The following VWA3B variants were observed in gnomAD, a reference collection of about 807,000 sequenced individuals.
VWA3B encodes the protein von Willebrand factor A domain containing 3B.
A neutral mutation model predicts 158.3 loss-of-function variants in VWA3B; 138 were observed. The observed-to-expected ratio is 0.87, with a 90% confidence interval of 0.76 to 1.00. The LOEUF is 1.00. Among genes scored for constraint, VWA3B ranks in the 50% least tolerant of loss-of-function variants. The pLI is 0.00. For synonymous variants in VWA3B, 596 were observed against 587.3 expected (o/e 1.01, Z -0.21); for missense variants, 1,555 against 1,565.1 (o/e 0.99, Z 0.11).
chr2:98,132,897 C>T (rs758207248), intron 6 of VWA3B, among the ~76,000 whole-genome samples: 4 of 152,316 alleles, frequency 2.6e-5, no homozygotes, highest in Non-Finnish European at 4.4e-5. Flanking sequence ...TTTCCATAGC[C>T]GCGGTGGGTT....
intron 2 of VWA3B, among the ~76,000 whole-genome samples, chr2:98,109,156 C>A (rs191925343): frequency 6.6e-6 from 1 of 152,136 alleles, no homozygotes; most frequent in East Asian, 1.9e-4. Context: ...CCATGCCCAG[C>A]TAATTTTGTA....
chr2:98,298,612 T>C (rs1353812692), intron 24 of VWA3B, among the ~76,000 whole-genome samples: 1 of 152,184 alleles, frequency 6.6e-6, no homozygotes, highest in African/African-American at 2.4e-5. Context: ...ATTCCATAGA[T>C]GTGTCACCGG....
chr2:98,150,643 C>G (rs1052830982), intron 7 of VWA3B, among the ~76,000 whole-genome samples: 5 of 152,184 alleles, frequency 3.3e-5, no homozygotes, highest in Admixed American at 1.3e-4. Context: ...CTGTGAACTT[C>G]TAGAGCAGGA....
At chr2:98,180,023 T>G (rs1475042399) in intron 8 of VWA3B, among the ~76,000 whole-genome samples, 1 of 150,300 alleles carries the variant, frequency 6.7e-6, no homozygotes, top group Non-Finnish European at 1.5e-5. Flanking sequence ...TCTTTCTTTT[T>G]CTTTCTTCTC....
chr2:98,163,063 A>C, intron 8 of VWA3B, 87 bp downstream of exon 8: 1 of 1,566,116 alleles, frequency 6.4e-7, no homozygotes, highest in South Asian at 1.2e-5. Flanking sequence ...TCCTGACCAG[A>C]GAAGCTCCAG....
chr2:98,205,311 G>A lies in VWA3B; in HGVS notation c.1738-6619G>A, dbSNP rs185904260. 1.3e-3 allele frequency among the ~76,000 whole-genome samples: 195 copies of A among 152,218 alleles called. 1 individual carries two copies. The highest frequency in any genetic ancestry group is 1.4e-3 in the Admixed American group (22 of 15,302). On this transcript the variant is annotated intron_variant, in intron 12 of 27. Transcript: ENST00000477737. ...TTTTTTTCTAAACTGTAGAATTTAT[G>A]AGCATAAAGTTTTTCATAATATTCT...
intron 26 of VWA3B, among the ~76,000 whole-genome samples, chr2:98,305,490 T>C (rs977822211): frequency 6.6e-6 from 1 of 152,208 alleles, no homozygotes; most frequent in Non-Finnish European, 1.5e-5. Context: ...ACGGTCATTG[T>C]CTGGCAGGTG....
chr2:98,216,507 T>C (rs1036257059), intron 13 of VWA3B, among the ~76,000 whole-genome samples: 1 of 152,214 alleles, frequency 6.6e-6, no homozygotes, highest in Admixed American at 6.5e-5. Context: ...AACCTGCACA[T>C]GCACAAACAG....
At chr2:98,299,488 A>T (rs1437793897) in intron 24 of VWA3B, among the ~76,000 whole-genome samples, 1 of 152,178 alleles carries the variant, frequency 6.6e-6, no homozygotes, top group Non-Finnish European at 1.5e-5. Flanking sequence ...TGGAGGAGGA[A>T]TTGGAGAATT....
At chr2:98,195,541 T>A (rs1417828259) in intron 12 of VWA3B, among the ~76,000 whole-genome samples, 1 of 152,220 alleles carries the variant, frequency 6.6e-6, no homozygotes, top group African/African-American at 2.4e-5. Context: ...TTGTTAAATT[T>A]CCAGGATTAA....
chr2:98,274,033 C>T (rs759524148), intron 22 of VWA3B, among the ~76,000 whole-genome samples: 1 of 152,072 alleles, frequency 6.6e-6, no homozygotes, highest in African/African-American at 2.4e-5. Context: ...AAATAATTCC[C>T]GTAATTTCTT....
intron 2 of VWA3B, among the ~76,000 whole-genome samples, chr2:98,099,682 T>C (rs1682952229): frequency 6.6e-6 from 1 of 152,164 alleles, no homozygotes; most frequent in Non-Finnish European, 1.5e-5. Context: ...CCCTTTATCA[T>C]TCTCTACTCC....
intron 24 of VWA3B, 53 bp downstream of exon 24, chr2:98,298,084 T>C: frequency 7.2e-7 from 1 of 1,385,620 alleles, no homozygotes; most frequent in South Asian, 1.8e-5. Flanking sequence ...CACAGAGTTT[T>C]GAATAACAGA....
chr2:98,219,199 C>T (rs1237542943), intron 14 of VWA3B, among the ~76,000 whole-genome samples: 1 of 152,084 alleles, frequency 6.6e-6, no homozygotes, highest in Non-Finnish European at 1.5e-5. Context: ...AAACTGAAGA[C>T]TTAAAATGTA....
intron 7 of VWA3B, among the ~76,000 whole-genome samples, chr2:98,159,157 C>T (rs1678359276): frequency 6.6e-6 from 1 of 152,206 alleles, no homozygotes; most frequent in African/African-American, 2.4e-5. Flanking sequence ...GAAGTCAATA[C>T]TAGGTGCTAA....
chr2:98,250,982 C>T (rs1054237329), intron 20 of VWA3B, among the ~76,000 whole-genome samples: 5 of 151,982 alleles, frequency 3.3e-5, no homozygotes, highest in African/African-American at 4.8e-5. Context: ...TGCCTGTAGT[C>T]CCAGCTACTT....
rs899753463 is a variant in VWA3B at position 98,312,435 on chromosome 2, C to T, written c.*86C>T. ...GCGTTGACACTGAAACTGGCCCCTC[C>T]GCGGAGGTAAGGCCGCCCTCCGCGC... On this transcript the variant is annotated 3_prime_UTR_variant, in exon 28 of 28. Coordinates refer to ENST00000477737, the MANE Select transcript of VWA3B (RefSeq NM_144992.5). The T allele has an allele frequency of 8.0e-6, 12 of 1,502,162 alleles. No individual in the cohort carries two copies. In the African/African-American group the frequency reaches 1.7e-4, roughly 21 times the overall value. 93.1% of individuals were successfully genotyped at this position (1,502,162 alleles called of 1,614,324 possible).
At chr2:98,270,550 A>G in intron 21 of VWA3B, 132 bp from the exon 22 acceptor site, 1 of 890,630 alleles carries the variant, frequency 1.1e-6, no homozygotes, top group Non-Finnish European at 1.7e-6. Flanking sequence ...CTGACACCTG[A>G]CACTAGCTTC....
At chr2:98,152,483 G>T (rs1677718119) in intron 7 of VWA3B, among the ~76,000 whole-genome samples, 1 of 152,090 alleles carries the variant, frequency 6.6e-6, no homozygotes. Flanking sequence ...GGTCCTGTCG[G>T]CACAGGAGGA....
Sources: gnomAD v4.1 joint callset for allele counts (sites outside exome capture counted in the v4.1 genomes callset) on GRCh38, gnomAD v4.1.1 for gene constraint, MANE v1.5 for transcripts, NCBI Gene and HGNC (gene_info 2026-07-23, HGNC 2026-07-21) for gene names.